PTPRU: variants seen among roughly 807,000 people sequenced by gnomAD.
The protein encoded by PTPRU is protein tyrosine phosphatase receptor type U, also known as receptor-type tyrosine-protein phosphatase U.
A neutral mutation model predicts 166.3 loss-of-function variants in PTPRU; 69 were observed. The observed-to-expected ratio is 0.41, with a 90% CI of 0.34 to 0.51. The LOEUF (loss-of-function observed/expected upper bound fraction) is 0.51, where lower values mean the gene tolerates loss of function less well. PTPRU is among the 20% of genes least tolerant of loss of function. The probability of loss-of-function intolerance (pLI) is 0.09; values close to 1 mark genes in which losing one functional copy is unlikely to be tolerated. For synonymous variants in PTPRU, 793 were observed against 814.0 expected (o/e 0.97, Z 0.44); for missense variants, 1,657 against 2,013.7 (o/e 0.82, Z 3.39).
intron 25 of PTPRU, among the ~76,000 whole-genome samples, chr1:29,319,390 C>A (rs572681590): frequency 1.3e-5 from 2 of 152,216 alleles, no homozygotes; most frequent in South Asian, 4.1e-4. Flanking sequence ...TCTGAGACAG[C>A]CCTGTCCCCT....
intron 15 of PTPRU, among the ~76,000 whole-genome samples, chr1:29,293,478 G>GT (rs370297342): frequency 0.25 from 34,535 of 135,748 alleles, 5,283 homozygotes; most frequent in African/African-American, 0.43. Context: ...GTAGTTTTTT[G>GT]TTTTTTTTTT....
At chr1:29,268,869 A>G (rs1014020419) in intron 7 of PTPRU, among the ~76,000 whole-genome samples, 1 of 152,236 alleles carries the variant, frequency 6.6e-6, no homozygotes, top group Non-Finnish European at 1.5e-5. Context: ...ACAGTGGGTC[A>G]AGAACCCAGG....
At chr1:29,294,808 T>G (rs1348389921) in intron 15 of PTPRU, among the ~76,000 whole-genome samples, 2 of 152,226 alleles carry the variant, frequency 1.3e-5, no homozygotes, top group Non-Finnish European at 2.9e-5. Context: ...CATCATTTAT[T>G]ATAGTTCACG....
At chr1:29,321,323 G>A (rs1483087317) in intron 26 of PTPRU, among the ~76,000 whole-genome samples, 1 of 151,332 alleles carries the variant, frequency 6.6e-6, no homozygotes, top group Non-Finnish European at 1.5e-5. Context: ...TTATAGGCAT[G>A]AGCCACTGCC....
intron 1 of PTPRU, among the ~76,000 whole-genome samples, chr1:29,239,266 C>G (rs562550568): frequency 6.6e-6 from 1 of 152,152 alleles, no homozygotes; most frequent in Non-Finnish European, 1.5e-5. Flanking sequence ...CCGGAGCTTC[C>G]GGGTAGGGGC....
In PTPRU at chr1:29,316,612, C is replaced by G. The variant is rs368468894; in HGVS notation, c.3513+461C>G. ...GGATCCAGGGGCTCAGATGATGATG[C>G]CAACAGGTGGTTTCTGTCTGCCTTG... On this transcript the variant is annotated intron_variant, in intron 24 of 29. Transcript: ENST00000373779. 2.0e-5 allele frequency among the ~76,000 whole-genome samples: 3 copies of G among 152,258 alleles called. No homozygotes were observed. The East Asian group carries it at 5.8e-4, about 29-fold the overall frequency.
Position 29,259,317 on chromosome 1 carries a change from C to T in PTPRU, c.534C>T (p.Asp178=), listed in dbSNP as rs758756864. The change falls in exon 4 of 30, where the codon GAC becomes GAT. Residue 178 remains aspartate, a synonymous_variant. Coordinates refer to ENST00000373779, the MANE Select transcript of PTPRU (RefSeq NM_133178.4). ...GCAGGGGCTACATGGGCCTAGATGA[C>T]ATCCTGCTTCTCAGCTACCCCTGCG... ...PDRRGYMGLD[D]ILLLSYPCAK... is the part of the protein sequence containing the mutation. The T allele has an allele frequency of 1.2e-6, 2 of 1,614,124 alleles. No individual in the cohort carries two copies. The highest frequency in any genetic ancestry group is 1.1e-5 in the South Asian group (1 of 91,080).
chr1:29,259,600 T>TTGTTGGGGGGGGGGGGGGGGGG, intron 5 of PTPRU, 36 bp downstream of exon 5: 1 of 253,686 alleles, frequency 3.9e-6, no homozygotes. Flanking sequence ...GGGGGCGGGG[T>TTGTTGGGGGGGGGGGGGGGGGG]GGGAGGGGGT....
intron 1 of PTPRU, among the ~76,000 whole-genome samples, chr1:29,240,157 T>A (rs112456267): frequency 5.8e-4 from 89 of 152,304 alleles, no homozygotes; most frequent in African/African-American, 2.0e-3. Flanking sequence ...TGCAACTTGA[T>A]GGGCTCTCAG....
At chr1:29,276,127 G>C (rs1042749857) in intron 8 of PTPRU, among the ~76,000 whole-genome samples, 3 of 152,092 alleles carry the variant, frequency 2.0e-5, no homozygotes, top group African/African-American at 2.4e-5. Flanking sequence ...CACCTAAATT[G>C]TCAAATTTCT....
intron 15 of PTPRU, among the ~76,000 whole-genome samples, chr1:29,299,975 AG>A (rs975892536): frequency 3.2e-4 from 49 of 152,308 alleles, no homozygotes; most frequent in African/African-American, 1.1e-3. Context: ...TCTGGCACTC[AG>A]GGGCTTCCTT....
intron 14 of PTPRU, among the ~76,000 whole-genome samples, chr1:29,289,955 T>A (rs966909957): frequency 7.9e-5 from 12 of 152,190 alleles, no homozygotes; most frequent in African/African-American, 2.4e-4. Context: ...GGTTCAGAGC[T>A]GGCCCTGCTG....
In PTPRU at chr1:29,315,485, G is replaced by A. The variant is rs773283021; in HGVS notation, c.3341G>A (p.Arg1114His). 9.3e-6 allele frequency: 15 copies of A among 1,614,038 alleles called. No individual in the cohort carries two copies. Among genetic ancestry groups the A allele is most frequent in the Middle Eastern group, 1.6e-4 (1 of 6,084 alleles). Residue 1114 changes from arginine (R) to histidine (H), a missense_variant, in exon 23 of 30, where the codon CGT becomes CAT. Transcript: ENST00000373779. This position sits in a 1 kb window ranked among gnomAD's most constrained non-coding sequence, Gnocchi z 4.5. ...TGTGTGAAGACTCTCTGCTCCCGGC[G>A]TGTCAACATGATCCAGACTGAGGTG... Reference protein sequence around the residue: ...YNCVKTLCSRRVNMIQTEEQY... With the variant: ...YNCVKTLCSRHVNMIQTEEQY...
rs557483682 is a variant in PTPRU at position 29,238,389 on chromosome 1, TC to T, written c.73+1674del. Among the ~76,000 whole-genome samples, 1 of 151,824 alleles carries T rather than the reference TC, an allele frequency of 6.6e-6. No individual in the cohort carries two copies. The highest frequency in any genetic ancestry group is 6.5e-5 in the Admixed American group (1 of 15,284). On this transcript the variant is annotated intron_variant, in intron 1 of 29. Transcript: ENST00000373779. The surrounding 1 kb of genome is among the most constrained non-coding windows in gnomAD (Gnocchi z 6.1). ...CCGCCCTCGCCACCGGCGGGGCTGCTCCGCGGGCTCCGGGTAGCCGGGAGAC... is the reference window on the plus strand; with the variant it reads ...CCGCCCTCGCCACCGGCGGGGCTGCTCGCGGGCTCCGGGTAGCCGGGAGAC...
Position 29,258,564 on chromosome 1 carries a change from T to C in PTPRU, c.265T>C (p.Phe89Leu). The change falls in exon 3 of 30, where the codon TTC becomes CTC. Residue 89 changes from phenylalanine to leucine, a missense_variant. Physicochemically the swap from Phe to Leu is conservative, Grantham distance 22. Coordinates refer to ENST00000373779, the MANE Select transcript of PTPRU (RefSeq NM_133178.4). ...HAPGQRAHVI[F>L]QSLSENDTHC... ...CCCAGGCCAGCGAGCCCATGTCATC[T>C]TCCAGAGCCTGAGCGAGAATGATAC... 6.2e-7 allele frequency: 1 copy of C among 1,614,250 alleles called. No individual in the cohort carries two copies. The highest frequency in any genetic ancestry group is 8.5e-7 in the Non-Finnish European group (1 of 1,180,038).
chr1:29,293,568 G>A lies in PTPRU; in HGVS notation c.2476+1542G>A, dbSNP rs374921173. ...CCGCTCACTGCAAGCTCCGCCTCCC[G>A]CATTCATGCCATTCTTCTGCCTCAG... On this transcript the variant is annotated intron_variant, in intron 15 of 29. Coordinates refer to ENST00000373779, the MANE Select transcript of PTPRU (RefSeq NM_133178.4). 3.4e-5 allele frequency among the ~76,000 whole-genome samples: 5 copies of A among 146,974 alleles called. No homozygotes were observed. In the East Asian group the frequency reaches 9.3e-4, roughly 27 times the overall value.
chr1:29,317,990 C>A lies in PTPRU; in HGVS notation c.3687+69C>A. The A allele has an allele frequency of 6.4e-7, 1 of 1,560,984 alleles. No homozygotes were observed. Among genetic ancestry groups the A allele is most frequent in the South Asian group, 1.1e-5 (1 of 88,694 alleles). On this transcript the variant is annotated intron_variant, in intron 25 of 29. Transcript: ENST00000373779. The surrounding 1 kb of genome is among the most constrained non-coding windows in gnomAD (Gnocchi z 5.6). ...GCAGCATCAGGGAAGGTCCAGGGGC[C>A]ACGGGAACAAAGCTGAAGGCTCTGT...
At chr1:29,259,595 C>CGGGGGG in intron 5 of PTPRU, 31 bp downstream of exon 5, 4 of 265,600 alleles carry the variant, frequency 1.5e-5, no homozygotes, top group Non-Finnish European at 2.2e-5. Context: ...TGGCTGGGGG[C>CGGGGGG]GGGGTGGGAG....
At chr1:29,286,465 T>C (rs965033451) in intron 14 of PTPRU, among the ~76,000 whole-genome samples, 1 of 152,124 alleles carries the variant, frequency 6.6e-6, no homozygotes, top group Non-Finnish European at 1.5e-5. Flanking sequence ...GCCACTTGGC[T>C]GATGAGCAGT....
Sources: allele counts gnomAD v4.1 joint callset (sites outside exome capture counted in the v4.1 genomes callset), GRCh38; gene constraint gnomAD v4.1.1; non-coding constraint Gnocchi (gnomAD v3.1); transcripts MANE v1.5; gene names NCBI Gene and HGNC (gene_info 2026-07-23, HGNC 2026-07-21).